THBS4: variants seen among roughly 807,000 people sequenced by gnomAD.
THBS4 encodes the protein thrombospondin-4.
A neutral mutation model predicts 115.7 loss-of-function variants in THBS4; 90 were observed. The ratio of observed to expected loss-of-function variants is 0.78; its 90% CI spans 0.66 to 0.93. The LOEUF is 0.93. Among genes scored for constraint, THBS4 ranks in the 40% least tolerant of loss-of-function variants. THBS4 has a pLI of 0.00. For missense variants in THBS4, 1,087 were observed against 1,232.7 expected (o/e 0.88, Z 1.77); for synonymous variants, 460 against 479.3 (o/e 0.96, Z 0.53).
intron 8 of THBS4, among the ~76,000 whole-genome samples, chr5:80,063,535 G>A (rs557560732): frequency 6.6e-6 from 1 of 152,186 alleles, no homozygotes; most frequent in African/African-American, 2.4e-5. Flanking sequence ...AAGCTCTTGA[G>A]TTTAATTAGA....
intron 1 of THBS4, among the ~76,000 whole-genome samples, chr5:80,037,841 C>A (rs1832765443): frequency 6.6e-6 from 1 of 152,108 alleles, no homozygotes; most frequent in South Asian, 2.1e-4. Context: ...GTTTCCAATT[C>A]TCTTGAAAAT....
At chr5:80,049,316 C>T (rs924675200) in intron 2 of THBS4, among the ~76,000 whole-genome samples, 3 of 152,186 alleles carry the variant, frequency 2.0e-5, no homozygotes, top group African/African-American at 7.2e-5. Flanking sequence ...CTGTGTCCGG[C>T]TGGTCCCAAG....
upstream of THBS4, among the ~76,000 whole-genome samples, chr5:80,033,745 G>A (rs1008483483): frequency 6.6e-6 from 1 of 152,188 alleles, no homozygotes. Context: ...CATTTAAGGA[G>A]TAACCCTATT....
intron 10 of THBS4, among the ~76,000 whole-genome samples, chr5:80,069,097 C>T (rs1186272898): frequency 6.6e-6 from 1 of 152,216 alleles, no homozygotes; most frequent in Admixed American, 6.5e-5. Context: ...GGATGCCAGG[C>T]CCTCGGCCGG....
intron 2 of THBS4, among the ~76,000 whole-genome samples, chr5:80,003,025 A>G (rs1490335332): frequency 3.9e-5 from 6 of 152,076 alleles, no homozygotes; most frequent in African/African-American, 1.4e-4. Flanking sequence ...ACTAAGGAAC[A>G]AGTGTGTTTT....
At chr5:80,023,274 T>G (rs1580918963) in intron 2 of THBS4, among the ~76,000 whole-genome samples, 1 of 152,212 alleles carries the variant, frequency 6.6e-6, no homozygotes, top group African/African-American at 2.4e-5. Context: ...TATACCTAGC[T>G]GTACCTGCAT....
At chr5:80,068,344 G>A (rs1158400309) in intron 10 of THBS4, among the ~76,000 whole-genome samples, 1 of 152,154 alleles carries the variant, frequency 6.6e-6, no homozygotes. Flanking sequence ...CTTGGCTGGG[G>A]GGCAACCCTG....
intron 1 of THBS4, among the ~76,000 whole-genome samples, chr5:80,038,529 GGA>G (rs1240108658): frequency 6.6e-6 from 1 of 151,990 alleles, no homozygotes. Context: ...GGATGGTTTG[GGA>G]TGAGTTTAAC....
chr5:80,003,576 T>C (rs1455872158), intron 2 of THBS4, among the ~76,000 whole-genome samples: 1 of 152,124 alleles, frequency 6.6e-6, no homozygotes, highest in Admixed American at 6.5e-5. Context: ...CCAGCCAACA[T>C]AAAGCAGTTC....
Position 80,078,054 on chromosome 5 carries a change from G to C in THBS4, c.2092G>C (p.Gly698Arg). The change falls in exon 17 of 22, where the codon GGA (glycine) becomes CGA (arginine). Residue 698 changes from glycine to arginine, a missense_variant. This residue lies in a region of THBS4 where 979 missense variants were observed against 1,103.7 expected (regional missense o/e 0.89). Transcript: ENST00000350881. ...NPAQEDSNSD[G>R]VGDICESDFD... ...CCTTTCTCCACCCCACTCAGGCGACGGAGTGGGAGACATCTGTGAGTCTGA... is the reference window on the plus strand; with the variant it reads ...CCTTTCTCCACCCCACTCAGGCGACCGAGTGGGAGACATCTGTGAGTCTGA... 1.3e-6 allele frequency: 2 copies of C among 1,577,372 alleles called. No homozygotes were observed. The highest frequency in any genetic ancestry group is 1.7e-6 in the Non-Finnish European group (2 of 1,154,872).
chr5:80,008,116 C>T (rs1404825458), intron 2 of THBS4, among the ~76,000 whole-genome samples: 2 of 152,166 alleles, frequency 1.3e-5, no homozygotes, highest in African/African-American at 4.8e-5. Context: ...AAAGAAGAAA[C>T]TAATGATACT....
chr5:80,043,075 C>G (rs1264176312), intron 2 of THBS4, among the ~76,000 whole-genome samples: 2 of 152,076 alleles, frequency 1.3e-5, no homozygotes, highest in African/African-American at 4.8e-5. Flanking sequence ...ATAAATTGTT[C>G]TTAGAAACTG....
chr5:80,070,948 C>T (rs1561323886), intron 12 of THBS4, 73 bp from the exon 13 acceptor site: 3 of 1,598,876 alleles, frequency 1.9e-6, no homozygotes, highest in Non-Finnish European at 2.6e-6. Context: ...CACCAGAGTG[C>T]TGATGCTTCA....
chr5:80,078,332 C>A, intron 17 of THBS4, 105 bp downstream of exon 17: 1 of 990,320 alleles, frequency 1.0e-6, no homozygotes, highest in South Asian at 2.3e-5. Flanking sequence ...GCCAGGCATT[C>A]TTCACATTCG....
chr5:80,034,576 C>T (rs1040702830), upstream of THBS4, among the ~76,000 whole-genome samples: 4 of 152,180 alleles, frequency 2.6e-5, no homozygotes, highest in African/African-American at 9.7e-5. Context: ...GTTCTACTCC[C>T]GTACCTTTAA....
intron 2 of THBS4, among the ~76,000 whole-genome samples, chr5:80,046,575 G>A (rs1833072462): frequency 6.6e-6 from 1 of 151,972 alleles, no homozygotes; most frequent in African/African-American, 2.4e-5. Flanking sequence ...AGACAAAGTG[G>A]ATTTACTAAG....
intron 17 of THBS4, 46 bp from the exon 18 acceptor site, chr5:80,078,875 T>C: frequency 1.3e-6 from 2 of 1,588,334 alleles, no homozygotes; most frequent in Non-Finnish European, 1.7e-6. Flanking sequence ...TTAAGGTTAC[T>C]TGGCCCCTTC....
intron 15 of THBS4, among the ~76,000 whole-genome samples, chr5:80,075,560 T>C (rs1217033859): frequency 6.6e-6 from 1 of 152,186 alleles, no homozygotes; most frequent in Non-Finnish European, 1.5e-5. Flanking sequence ...GTCAAGAATG[T>C]TCCCTGGTGC....
chr5:80,077,475 G>A (rs372700008), intron 16 of THBS4, among the ~76,000 whole-genome samples: 1 of 152,204 alleles, frequency 6.6e-6, no homozygotes, highest in Non-Finnish European at 1.5e-5. Context: ...GCCTGCAGGT[G>A]CCAGGCAGAT....
Sources: gnomAD v4.1 joint callset for allele counts (sites outside exome capture counted in the v4.1 genomes callset) on GRCh38, gnomAD v4.1.1 for gene constraint, gnomAD v4.1.1 regional missense constraint, MANE v1.5 for transcripts, NCBI Gene and HGNC (gene_info 2026-07-23, HGNC 2026-07-21) for gene names.